The following PTPRG variants were observed in gnomAD, a reference collection of about 807,000 sequenced individuals.
PTPRG encodes the protein receptor-type tyrosine-protein phosphatase gamma.
A neutral mutation model predicts 165.3 loss-of-function variants in PTPRG; 102 were observed. The observed-to-expected ratio is 0.62, with a 90% CI of 0.53 to 0.73. PTPRG has a LOEUF of 0.73. PTPRG is among the 30% of genes least tolerant of loss of function. The pLI is 0.00. For missense variants in PTPRG, 1,866 were observed against 1,861.4 expected (o/e 1.00, Z -0.05); for synonymous variants, 675 against 669.5 (o/e 1.01, Z -0.13).
At chr3:61,824,081 T>C (rs1178591414) in intron 2 of PTPRG, among the ~76,000 whole-genome samples, 1 of 151,550 alleles carries the variant, frequency 6.6e-6, no homozygotes, top group Non-Finnish European at 1.5e-5. Context: ...CCAAGATCGC[T>C]CCACTGCACT....
intron 2 of PTPRG, among the ~76,000 whole-genome samples, chr3:61,955,574 A>G (rs762561467): frequency 4.6e-5 from 7 of 152,210 alleles, no homozygotes; most frequent in Non-Finnish European, 4.4e-5. Flanking sequence ...GATCCTGAGC[A>G]ATATAGATAC....
chr3:62,138,368 G>C (rs1703795161), intron 6 of PTPRG, among the ~76,000 whole-genome samples: 1 of 152,186 alleles, frequency 6.6e-6, no homozygotes, highest in Admixed American at 6.5e-5. Context: ...AAAAACTGCA[G>C]TTCCTTTTGC....
intron 2 of PTPRG, among the ~76,000 whole-genome samples, chr3:61,846,496 C>A (rs1394234729): frequency 6.6e-6 from 1 of 152,136 alleles, no homozygotes; most frequent in African/African-American, 2.4e-5. Flanking sequence ...AATAAAGTAC[C>A]TTATTTACCT....
At position 62,231,208 on chromosome 3, in the gene PTPRG, G is replaced by A. The variant is rs780872663; in HGVS notation, c.2289-17G>A. On this transcript the variant is annotated splice_polypyrimidine_tract_variant and intron_variant, in intron 13 of 29. Coordinates refer to ENST00000474889, the MANE Select transcript of PTPRG (RefSeq NM_002841.4). ...CTGTATTCTACACCTGTTCTCTTTT[G>A]TTTTTTGTCCATTTAGAGGGTGTAA... is the stretch of plus-strand genomic sequence containing the variant. The A allele has an allele frequency of 6.6e-7, 1 of 1,525,182 alleles. No homozygotes were observed. Among genetic ancestry groups the A allele is most frequent in the Non-Finnish European group, 8.8e-7 (1 of 1,135,210 alleles). 94.5% of individuals were successfully genotyped at this position (1,525,182 alleles called of 1,614,324 possible). A position where few individuals can be genotyped will look rare whatever the true frequency, so the allele number is the denominator to read the frequency against.
At chr3:62,174,142 A>G (rs1286612800) in intron 8 of PTPRG, among the ~76,000 whole-genome samples, 1 of 152,244 alleles carries the variant, frequency 6.6e-6, no homozygotes, top group East Asian at 1.9e-4. Context: ...TCCCGGGTAC[A>G]TGGGAGAGCA....
At chr3:62,102,784 A>AT (rs1702336793) in intron 5 of PTPRG, among the ~76,000 whole-genome samples, 1 of 152,200 alleles carries the variant, frequency 6.6e-6, no homozygotes, top group Admixed American at 6.5e-5. Context: ...TTTGTTCCCC[A>AT]TATCAGGAGC....
intron 1 of PTPRG, among the ~76,000 whole-genome samples, chr3:61,644,684 G>A (rs1000772805): frequency 2.0e-5 from 3 of 152,158 alleles, no homozygotes; most frequent in East Asian, 3.9e-4. Context: ...TGGATACCAG[G>A]TTAGGATACT....
Position 62,269,171 on chromosome 3 carries a change from T to C in PTPRG, c.3009+2T>C. 1 of 1,573,058 alleles carries C rather than the reference T, an allele frequency of 6.4e-7. No individual in the cohort carries two copies. The highest frequency in any genetic ancestry group is 8.7e-7 in the Non-Finnish European group (1 of 1,150,466). Reference sequence around the variant, plus strand: ...ATCAGAAATACAAAAGTGAAAAAGGTATGGAAGGAATTGGGTAGGCTGCCA... The same window carrying C: ...ATCAGAAATACAAAAGTGAAAAAGGCATGGAAGGAATTGGGTAGGCTGCCA... On this transcript the variant is annotated splice_donor_variant, in intron 20 of 29. Coordinates refer to ENST00000474889, the MANE Select transcript of PTPRG (RefSeq NM_002841.4). LOFTEE classifies it high-confidence loss of function.
At chr3:61,889,112 C>A (rs545365356) in intron 2 of PTPRG, among the ~76,000 whole-genome samples, 2 of 152,188 alleles carry the variant, frequency 1.3e-5, no homozygotes, top group Middle Eastern at 6.8e-3. Context: ...GTGTAAATAC[C>A]ATATTTTTCA....
intron 4 of PTPRG, among the ~76,000 whole-genome samples, chr3:62,069,674 T>TCACACACACA (rs1263078272): frequency 3.5e-5 from 1 of 28,886 alleles, no homozygotes; most frequent in Admixed American, 4.0e-4. Context: ...TCTCTCTCTC[T>TCACACACACA]CTCTCTCTCT....
intron 1 of PTPRG, among the ~76,000 whole-genome samples, chr3:61,590,132 T>A (rs1296604496): frequency 6.6e-6 from 1 of 152,058 alleles, no homozygotes; most frequent in Admixed American, 6.5e-5. Flanking sequence ...TGGCATCATC[T>A]TCTATTTCAG....
intron 2 of PTPRG, among the ~76,000 whole-genome samples, chr3:61,979,515 A>T (rs919516428): frequency 1.3e-5 from 2 of 152,186 alleles, no homozygotes; most frequent in Non-Finnish European, 2.9e-5. Flanking sequence ...TTGCTATTTT[A>T]GATAGTTAGG....
chr3:61,991,472 C>G (rs2040888225), intron 3 of PTPRG, among the ~76,000 whole-genome samples: 1 of 152,214 alleles, frequency 6.6e-6, no homozygotes, highest in Admixed American at 6.5e-5. Context: ...TCCCAAAGTG[C>G]TGGGATTACA....
chr3:61,583,573 C>T (rs1700358247), intron 1 of PTPRG, among the ~76,000 whole-genome samples: 1 of 152,084 alleles, frequency 6.6e-6, no homozygotes, highest in Non-Finnish European at 1.5e-5. Flanking sequence ...CTAATAGGAC[C>T]TTTGCTACTC....
At chr3:61,983,389 G>A (rs1343808999) in intron 2 of PTPRG, among the ~76,000 whole-genome samples, 2 of 152,268 alleles carry the variant, frequency 1.3e-5, no homozygotes, top group Middle Eastern at 3.4e-3. Flanking sequence ...ACAACAAAAT[G>A]CAGAGTAATA....
intron 28 of PTPRG, among the ~76,000 whole-genome samples, chr3:62,288,790 G>C (rs1037302012): frequency 6.6e-6 from 1 of 151,884 alleles, no homozygotes; most frequent in Non-Finnish European, 1.5e-5. Flanking sequence ...CCTGAGATTT[G>C]CTTCAATATA....
At chr3:61,658,538 C>T (rs188892227) in intron 1 of PTPRG, among the ~76,000 whole-genome samples, 1 of 152,272 alleles carries the variant, frequency 6.6e-6, no homozygotes, top group Admixed American at 6.5e-5. Context: ...AACTTAGCTC[C>T]CTGGTGTTTT....
intron 1 of PTPRG, among the ~76,000 whole-genome samples, chr3:61,671,669 G>A (rs956784038): frequency 1.3e-5 from 2 of 149,816 alleles, no homozygotes; most frequent in East Asian, 2.0e-4. Context: ...CCTCGCAGAC[G>A]GGGTGGTGGC....
chr3:62,035,604 G>A (rs956792850), intron 4 of PTPRG, among the ~76,000 whole-genome samples: 21 of 152,190 alleles, frequency 1.4e-4, no homozygotes, highest in African/African-American at 5.1e-4. Flanking sequence ...AGTGACATAT[G>A]TGAAACCTTG....
Sources: gnomAD v4.1 joint callset for allele counts (sites outside exome capture counted in the v4.1 genomes callset) on GRCh38, gnomAD v4.1.1 for gene constraint, MANE v1.5 for transcripts, NCBI Gene and HGNC (gene_info 2026-07-23, HGNC 2026-07-21) for gene names.